The following DNAH17 variants were observed in gnomAD, a reference collection of about 807,000 sequenced individuals.
DNAH17 encodes the protein axonemal beta dynein heavy chain 17.
DNAH17 carries 376 observed loss-of-function variants against 485.6 expected under a neutral mutation model. The observed-to-expected ratio is 0.77, with a 90% CI of 0.71 to 0.84. The LOEUF (loss-of-function observed/expected upper bound fraction) is 0.84. Among genes scored for constraint, DNAH17 ranks in the 40% least tolerant of loss-of-function variants. The pLI, the probability that DNAH17 is intolerant of heterozygous loss-of-function variation, is 0.00. For synonymous variants in DNAH17, 3,031 were observed against 2,405.9 expected (o/e 1.26, Z -7.60); for missense variants, 6,370 against 5,839.3 (o/e 1.09, Z -2.96).
At chr17:78,570,911 C>G (rs1419696733) in intron 6 of DNAH17, 37 bp downstream of exon 6, 1 of 1,265,860 alleles carries the variant, frequency 7.9e-7, no homozygotes. Context: ...GAAACAAGAC[C>G]CTCCCCACCA....
intron 72 of DNAH17, among the ~76,000 whole-genome samples, chr17:78,439,519 G>A (rs1449075032): frequency 6.6e-6 from 1 of 152,060 alleles, no homozygotes; most frequent in East Asian, 1.9e-4. Flanking sequence ...CTCGTCTACA[G>A]TCTCCTTTGT....
rs146571016 is a variant in DNAH17, at chr17:78,567,010, G to C, written c.1441C>G (p.Pro481Ala). ...GCCCGAGGACCTACCGAGTCTCCAG[G>C]GTCCAAGGGATCATATTTGCAGTCG... The part of the protein sequence containing the change: ...FADCKYDPLD[P>A]GDSNFDRDYA... Residue 481 changes from proline (P) to alanine (A), a missense_variant, in exon 10 of 81, where the codon CCT (proline) becomes GCT (alanine). Transcript: ENST00000389840. The C allele has an allele frequency of 3.1e-6, 5 of 1,611,680 alleles. No homozygotes were observed. The African/African-American group carries it at 6.7e-5, about 22-fold the overall frequency.
At chr17:78,460,315 C>CAT (rs1387546706) in intron 58 of DNAH17, 58 bp from the exon 59 acceptor site, 71 of 1,465,210 alleles carry the variant, frequency 4.8e-5, no homozygotes, top group East Asian at 1.5e-4. Flanking sequence ...CCTGTGGGGG[C>CAT]GTGTACGTGC....
chr17:78,460,221 G>C lies in DNAH17; in HGVS notation c.9376C>G (p.Leu3126Val). 6.2e-7 allele frequency: 1 copy of C among 1,607,020 alleles called. No individual in the cohort carries two copies. The highest frequency in any genetic ancestry group is 8.5e-7 in the Non-Finnish European group (1 of 1,176,278). ...AGCAGGGCCGGTTCTGCTTTGGCCAGGTCTGTTTCACAGGCCTTTTGCTTC... is the reference window on the plus strand; with the variant it reads ...AGCAGGGCCGGTTCTGCTTTGGCCACGTCTGTTTCACAGGCCTTTTGCTTC... Reference protein sequence around the residue: ...TEKQKACETDLAKAEPALLAA... With the variant: ...TEKQKACETDVAKAEPALLAA... The change falls in exon 59 of 81, where the codon CTG becomes GTG. Residue 3126 changes from leucine (L) to valine (V), a missense_variant. Physicochemically the swap from Leu to Val is conservative, Grantham distance 32 (BLOSUM62 1). Transcript: ENST00000389840.
Position 78,571,042 on chromosome 17 carries a change from A to G in DNAH17, c.833-9T>C, listed in dbSNP as rs762547855. On this transcript the variant is annotated splice_polypyrimidine_tract_variant and intron_variant, in intron 5 of 80. Transcript: ENST00000389840. ...GTTGGCTTCCTTCAGCCCTGCACGG[A>G]ACAAGAACAAGTGCCCACCGGTAAG... The G allele has an allele frequency of 1.9e-6, 3 of 1,563,856 alleles. No homozygotes were observed. In the Admixed American group the frequency reaches 5.7e-5, roughly 30 times the overall value.
At chr17:78,569,779 G>A (rs758008770) in intron 7 of DNAH17, among the ~76,000 whole-genome samples, 3 of 152,230 alleles carry the variant, frequency 2.0e-5, no homozygotes, top group East Asian at 1.9e-4. Flanking sequence ...AGGGACAGGG[G>A]ACCCCGGTGC....
chr17:78,555,939 C>T (rs1418708637), intron 14 of DNAH17, among the ~76,000 whole-genome samples: 1 of 152,224 alleles, frequency 6.6e-6, no homozygotes, highest in Non-Finnish European at 1.5e-5. Flanking sequence ...CATCTGTTCC[C>T]CTAGTTGTCA....
At chr17:78,505,473 T>C (rs777527949) in intron 30 of DNAH17, 28 bp from the exon 31 acceptor site, 10 of 1,613,520 alleles carry the variant, frequency 6.2e-6, no homozygotes, top group East Asian at 4.5e-5. Flanking sequence ...GCGGGAATTA[T>C]GCAACGGGGG....
At chr17:78,486,806 A>C (rs573538014) in intron 44 of DNAH17, among the ~76,000 whole-genome samples, 5 of 152,268 alleles carry the variant, frequency 3.3e-5, no homozygotes, top group African/African-American at 1.2e-4. Flanking sequence ...CGGGAAGCAC[A>C]TACCAAGGGC....
Position 78,526,866 on chromosome 17 carries a change from C to G in DNAH17, c.3624+14G>C, listed in dbSNP as rs111309942. ...CTCCCCGGAAATCCCGCCACCCTGC[C>G]CCAGGTATAATACCTCGAATTGCTG... is the stretch of plus-strand genomic sequence containing the variant. On this transcript the variant is annotated intron_variant, in intron 23 of 80. Transcript: ENST00000389840. 6.8e-4 allele frequency: 1,062 copies of G among 1,563,934 alleles called. 7 individuals are homozygous for G. In the African/African-American group the frequency reaches 0.013, roughly 19 times the overall value.
At position 78,424,191 on chromosome 17, in the gene DNAH17, CAGTA is replaced by C. The variant is rs777996547; in HGVS notation, c.13142-42_13142-39del. The C allele has an allele frequency of 8.9e-6, 14 of 1,576,738 alleles. No individual in the cohort carries two copies. In the African/African-American group the frequency reaches 1.2e-4, roughly 14 times the overall value. Reference sequence around the variant, plus strand: ...TATGGCTGAGGGTCAGGTGTGCTGCCAGTAAGTGAGGGAGGGGCTGGCAGGAAGG... The same window carrying C: ...TATGGCTGAGGGTCAGGTGTGCTGCCAGTGAGGGAGGGGCTGGCAGGAAGG... On this transcript the variant is annotated intron_variant, in intron 80 of 80. Transcript: ENST00000389840.
Position 78,507,716 on chromosome 17 carries a change from G to C in DNAH17, c.4326C>G (p.Ser1442Arg). ...PRTGTMMLKSSEVLVETLEDN... is the reference protein window; with the variant it reads ...PRTGTMMLKSREVLVETLEDN... ...CCTCCAGCGTCTCCACCAGCACCTC[G>C]CTGGACTTGAGCATCATGGTGCCTG... Residue 1442 changes from serine (S) to arginine (R), a missense_variant, in exon 28 of 81, where the codon AGC becomes AGG. By Grantham distance (110) the Ser-to-Arg change is moderately radical (BLOSUM62 -1). Coordinates refer to ENST00000389840, the MANE Select transcript of DNAH17 (RefSeq NM_173628.4). 2 of 1,607,016 alleles carry C rather than the reference G, an allele frequency of 1.2e-6. No individual in the cohort carries two copies. The highest frequency in any genetic ancestry group is 1.7e-6 in the Non-Finnish European group (2 of 1,179,286).
At chr17:78,559,011 T>G (rs1315083937) in intron 13 of DNAH17, among the ~76,000 whole-genome samples, 1 of 152,242 alleles carries the variant, frequency 6.6e-6, no homozygotes, top group Non-Finnish European at 1.5e-5. Context: ...ATTAGTCTCT[T>G]TTGATAATCT....
In DNAH17 at chr17:78,423,835, C is replaced by CA. The variant is rs1401523021; in HGVS notation, c.*70dup. 32 of 1,561,918 alleles carry CA rather than the reference C, an allele frequency of 2.0e-5. No homozygotes were observed. Among genetic ancestry groups the CA allele is most frequent in the Non-Finnish European group, 2.6e-5 (30 of 1,144,074 alleles). The stretch of plus-strand genomic sequence containing the variant: ...CCACCAGTTCCTGTAAAGAATAAGT[C>CA]ACAGGTGCACAGGTGAAGGGCTGAG... On this transcript the variant is annotated 3_prime_UTR_variant, in exon 81 of 81. Coordinates refer to ENST00000389840, the MANE Select transcript of DNAH17 (RefSeq NM_173628.4).
chr17:78,506,984 T>G, intron 29 of DNAH17, 138 bp from the exon 30 acceptor site: 1 of 1,303,362 alleles, frequency 7.7e-7, no homozygotes, highest in Non-Finnish European at 1.1e-6. Context: ...TAATTCAGAA[T>G]CTCCTACCGG....
rs34296284 is a variant in DNAH17, at chr17:78,430,280, T to TA, written c.12226-981dup. Among the ~76,000 whole-genome samples, 571 of 152,244 alleles carry TA rather than the reference T, an allele frequency of 3.8e-3. 15 individuals are homozygous for TA. Among genetic ancestry groups the TA allele is most frequent in the East Asian group, 0.024 (126 of 5,188 alleles). On this transcript the variant is annotated intron_variant, in intron 75 of 80. Coordinates refer to ENST00000389840, the MANE Select transcript of DNAH17 (RefSeq NM_173628.4). ...ATTTTAAATTTTGTGGCAGCCACTT[T>TA]AAAAGAGATCATTCCAACATGTAAT...
At chr17:78,477,933 TCACCACCATCACCATTATCATCTC>T in intron 51 of DNAH17, among the ~76,000 whole-genome samples, 1 of 147,954 alleles carries the variant, frequency 6.8e-6, no homozygotes, top group African/African-American at 2.6e-5. Context: ...ACCACCATCA[TCACCACCATCACCATTATCATCTC>T]CACCATCACC....
At chr17:78,539,699 C>T in intron 18 of DNAH17, 38 bp downstream of exon 18, 2 of 1,498,508 alleles carry the variant, frequency 1.3e-6, no homozygotes, top group Non-Finnish European at 1.8e-6. Context: ...GATAAGAATA[C>T]ATATACATAA....
chr17:78,513,720 G>A (rs1255491214), intron 26 of DNAH17, among the ~76,000 whole-genome samples: 1 of 152,220 alleles, frequency 6.6e-6, no homozygotes, highest in African/African-American at 2.4e-5. Context: ...ACAGGCATGA[G>A]CCACCGCACC....
Sources: allele counts gnomAD v4.1 joint callset (sites outside exome capture counted in the v4.1 genomes callset), GRCh38; gene constraint gnomAD v4.1.1; transcripts MANE v1.5; gene names NCBI Gene and HGNC (gene_info 2026-07-23, HGNC 2026-07-21).